Variants in COL23A1 observed in about 807,000 individuals in gnomAD.
The protein encoded by COL23A1 is collagen alpha-1(XXIII) chain.
Under a neutral mutation model 99.3 loss-of-function variants are expected in COL23A1, and 97 were observed. The observed-to-expected ratio is 0.98, with a 90% CI of 0.83 to 1.16. COL23A1 has a LOEUF of 1.16. Ranked by LOEUF, COL23A1 falls within the 50% of genes most tolerant of loss-of-function variation. COL23A1 has a pLI of 0.00. For synonymous variants in COL23A1, 320 were observed against 308.2 expected (o/e 1.04, Z -0.40); for missense variants, 762 against 757.4 (o/e 1.01, Z -0.07).
chr5:178,399,742 G>A (rs141160007), intron 2 of COL23A1, among the ~76,000 whole-genome samples: 1 of 152,350 alleles, frequency 6.6e-6, no homozygotes, highest in East Asian at 1.9e-4. Context: ...AAAGGAGGGA[G>A]GGGAGTAAAC....
At position 178,560,740 on chromosome 5, in the gene COL23A1, G is replaced by T; in HGVS notation, c.303C>A (p.Asp101Glu). The stretch of plus-strand genomic sequence containing the variant: ...GAGCAGTCCGGATCTTCGCTAGTCC[G>T]TCCAACTTCTGAGCCGGAAAAAAAA... Reference protein sequence around the residue: ...HLERLLREKLDGLAKIRTARE... With the variant: ...HLERLLREKLEGLAKIRTARE... The change falls in exon 2 of 29, where the codon GAC (aspartate) becomes GAA (glutamate). Residue 101 changes from aspartate to glutamate, a missense_variant. Asp to Glu is a conservative substitution (Grantham distance 45, BLOSUM62 2). Transcript: ENST00000390654. 1.2e-6 allele frequency: 2 copies of T among 1,610,300 alleles called. No homozygotes were observed. The highest frequency in any genetic ancestry group is 1.7e-6 in the Non-Finnish European group (2 of 1,178,904).
chr5:178,319,989 C>T (rs1459098530), intron 2 of COL23A1, among the ~76,000 whole-genome samples: 1 of 152,238 alleles, frequency 6.6e-6, no homozygotes. Context: ...GCACCAGCTT[C>T]CCTCTGTCCA....
intron 2 of COL23A1, among the ~76,000 whole-genome samples, chr5:178,358,727 G>A (rs1012315555): frequency 8.9e-6 from 1 of 112,316 alleles, no homozygotes; most frequent in East Asian, 2.6e-4. Context: ...GTATGTGTAT[G>A]TGTGTATGTG....
intron 3 of COL23A1, among the ~76,000 whole-genome samples, chr5:178,293,064 G>A (rs1327601970): frequency 6.6e-6 from 1 of 152,070 alleles, no homozygotes; most frequent in African/African-American, 2.4e-5. Context: ...AGGGGGTTGA[G>A]GGATGTGGAC....
chr5:178,386,354 G>T, intron 2 of COL23A1, among the ~76,000 whole-genome samples: 1 of 151,836 alleles, frequency 6.6e-6, no homozygotes, highest in South Asian at 2.1e-4. Context: ...CAGGAGAATC[G>T]CTTGAACCCA....
At chr5:178,424,932 C>T (rs1765828914) in intron 2 of COL23A1, among the ~76,000 whole-genome samples, 1 of 152,204 alleles carries the variant, frequency 6.6e-6, no homozygotes, top group African/African-American at 2.4e-5. Context: ...GGGGTCCTGG[C>T]CTCGCCTCCT....
At chr5:178,449,222 G>A (rs1767344882) in intron 2 of COL23A1, among the ~76,000 whole-genome samples, 1 of 152,190 alleles carries the variant, frequency 6.6e-6, no homozygotes, top group Non-Finnish European at 1.5e-5. Context: ...CAAGTGGACT[G>A]AGATGCTATC....
intron 2 of COL23A1, among the ~76,000 whole-genome samples, chr5:178,328,928 G>A (rs1759850741): frequency 1.3e-5 from 2 of 152,196 alleles, no homozygotes; most frequent in Admixed American, 1.3e-4. Flanking sequence ...ATGCTGAGAA[G>A]CAGACAATGA....
intron 2 of COL23A1, among the ~76,000 whole-genome samples, chr5:178,414,424 G>T (rs908511971): frequency 9.9e-5 from 15 of 151,428 alleles, no homozygotes; most frequent in Admixed American, 4.6e-4. Flanking sequence ...AAAAAAAAAA[G>T]GACTTGTTTT....
At chr5:178,337,084 T>C (rs978065343) in intron 2 of COL23A1, among the ~76,000 whole-genome samples, 33 of 152,184 alleles carry the variant, frequency 2.2e-4, no homozygotes, top group African/African-American at 7.7e-4. Context: ...CGATTTCCCA[T>C]GGGAGGGGGG....
At chr5:178,556,289 T>TA (rs956194550) in intron 2 of COL23A1, among the ~76,000 whole-genome samples, 22 of 150,938 alleles carry the variant, frequency 1.5e-4, no homozygotes, top group Admixed American at 8.6e-4. Flanking sequence ...GTTGCGTTAT[T>TA]AAAAAAAAAG....
At chr5:178,321,480 C>CATTTTTTTTTTTTTTTTTTTTTTTTTTT (rs761651933) in intron 2 of COL23A1, among the ~76,000 whole-genome samples, 1 of 109,040 alleles carries the variant, frequency 9.2e-6, no homozygotes, top group African/African-American at 4.0e-5. Context: ...GTCACCTTCC[C>CATTTTTTTTTTTTTTTTTTTTTTTTTTT]TTTTTTTTTT....
chr5:178,284,551 A>G (rs1183425017), intron 5 of COL23A1, among the ~76,000 whole-genome samples: 3 of 152,224 alleles, frequency 2.0e-5, no homozygotes, highest in Admixed American at 2.0e-4. Context: ...TTGGTGCAGC[A>G]ATTCCACTTT....
intron 5 of COL23A1, among the ~76,000 whole-genome samples, chr5:178,286,863 A>G (rs1757184051): frequency 6.6e-6 from 1 of 152,148 alleles, no homozygotes; most frequent in Non-Finnish European, 1.5e-5. Flanking sequence ...CACTTTGCTC[A>G]GAGGAAACAA....
At chr5:178,535,490 C>G (rs530393509) in intron 2 of COL23A1, among the ~76,000 whole-genome samples, 17 of 152,370 alleles carry the variant, frequency 1.1e-4, no homozygotes, top group African/African-American at 4.1e-4. Flanking sequence ...ATACCGCATG[C>G]CAGGCATCAC....
chr5:178,434,304 CCTCACGTA>C lies in COL23A1; in HGVS notation c.361+126370_361+126377del, dbSNP rs1036153946. Among the ~76,000 whole-genome samples, 8 of 152,224 alleles carry C rather than the reference CCTCACGTA, an allele frequency of 5.3e-5. No homozygotes were observed. Among genetic ancestry groups the C allele is most frequent in the African/African-American group, 1.7e-4 (7 of 41,452 alleles). On this transcript the variant is annotated intron_variant, in intron 2 of 28. Transcript: ENST00000390654. This position sits in a 1 kb window ranked among gnomAD's most constrained non-coding sequence, Gnocchi z 4.3. ...TCTGCAGCCTTCTTGGGTACCTCCT[CCTCACGTA>C]CTCACTGGCCCCGAGGCACTGTTCT...
intron 2 of COL23A1, among the ~76,000 whole-genome samples, chr5:178,502,867 C>T (rs942342411): frequency 4.6e-5 from 7 of 152,316 alleles, no homozygotes; most frequent in Non-Finnish European, 7.4e-5. Flanking sequence ...TCCACCATCA[C>T]GCCCACACGC....
chr5:178,586,425 C>T (rs1174192744), intron 1 of COL23A1, among the ~76,000 whole-genome samples: 1 of 152,094 alleles, frequency 6.6e-6, no homozygotes. Flanking sequence ...TCTGCTCTGC[C>T]TCTGGTATAA....
intron 2 of COL23A1, among the ~76,000 whole-genome samples, chr5:178,358,557 CGT>C (rs560494429): frequency 8.0e-5 from 10 of 124,240 alleles, no homozygotes; most frequent in East Asian, 4.8e-4. Context: ...TGTATGTGTA[CGT>C]GTGTATGTCT....
Sources: allele counts gnomAD v4.1 joint callset (sites outside exome capture counted in the v4.1 genomes callset), GRCh38; gene constraint gnomAD v4.1.1; non-coding constraint Gnocchi (gnomAD v3.1); transcripts MANE v1.5; gene names NCBI Gene and HGNC (gene_info 2026-07-23, HGNC 2026-07-21).